The following ADAMTSL1 variants were observed in gnomAD, a reference collection of about 807,000 sequenced individuals.
ADAMTSL1 encodes the protein ADAMTS-like protein 1.
Under a neutral mutation model 201.8 loss-of-function variants are expected in ADAMTSL1, and 126 were observed. The ratio of observed to expected loss-of-function variants is 0.62; its 90% CI spans 0.54 to 0.72. The LOEUF (loss-of-function observed/expected upper bound fraction) is 0.72. Among genes scored for constraint, ADAMTSL1 ranks in the 30% least tolerant of loss-of-function variants. The probability of loss-of-function intolerance (pLI) is 0.00; values close to 1 mark genes in which losing one functional copy is unlikely to be tolerated. For missense variants in ADAMTSL1, 2,679 were observed against 2,277.8 expected (o/e 1.18, Z -3.59); for synonymous variants, 1,121 against 903.4 (o/e 1.24, Z -4.32).
chr9:18,890,473 G>A (rs1829177093), intron 25 of ADAMTSL1: 2 of 455,662 alleles, frequency 4.4e-6, no homozygotes, highest in Admixed American at 2.4e-5. Context: ...GGGGGATGTG[G>A]CTCAGCTCTC....
At chr9:18,306,043 C>G (rs1833895638) in intron 2 of ADAMTSL1, among the ~76,000 whole-genome samples, 1 of 152,256 alleles carries the variant, frequency 6.6e-6, no homozygotes. Flanking sequence ...TCTGTAGCCT[C>G]CACTGGTGAT....
intron 2 of ADAMTSL1, among the ~76,000 whole-genome samples, chr9:18,328,265 C>T (rs1834902171): frequency 6.6e-6 from 1 of 152,130 alleles, no homozygotes; most frequent in East Asian, 1.9e-4. Context: ...ACCCGCAGTT[C>T]TTATTATATG....
chr9:18,498,625 G>A (rs576589793), intron 1 of ADAMTSL1, among the ~76,000 whole-genome samples: 9 of 152,112 alleles, frequency 5.9e-5, no homozygotes, highest in East Asian at 3.9e-4. Context: ...CACCGCGCCC[G>A]GCCAATGTTC....
At chr9:18,649,824 T>G (rs1011267480) in intron 7 of ADAMTSL1, among the ~76,000 whole-genome samples, 5 of 152,200 alleles carry the variant, frequency 3.3e-5, no homozygotes, top group African/African-American at 9.6e-5. Context: ...CAGTTAGGCT[T>G]CTTGGGGGTC....
intron 2 of ADAMTSL1, among the ~76,000 whole-genome samples, chr9:18,404,870 C>T (rs1241576012): frequency 6.6e-6 from 1 of 152,168 alleles, no homozygotes; most frequent in African/African-American, 2.4e-5. Context: ...TTCCACTTCC[C>T]CTTTTTCCAG....
At chr9:18,635,046 T>C (rs1381403302) in intron 5 of ADAMTSL1, among the ~76,000 whole-genome samples, 1 of 151,784 alleles carries the variant, frequency 6.6e-6, no homozygotes, top group East Asian at 1.9e-4. Flanking sequence ...TCTTGGACTA[T>C]GCATTGTACT....
intron 1 of ADAMTSL1, among the ~76,000 whole-genome samples, chr9:18,080,623 C>G (rs1250171286): frequency 6.6e-6 from 1 of 152,144 alleles, no homozygotes; most frequent in Non-Finnish European, 1.5e-5. Flanking sequence ...GAGTAGCTTA[C>G]AAAGCACGTT....
At chr9:18,877,777 C>T (rs923036641) in intron 23 of ADAMTSL1, among the ~76,000 whole-genome samples, 1 of 152,038 alleles carries the variant, frequency 6.6e-6, no homozygotes, top group Non-Finnish European at 1.5e-5. Context: ...CAAGCTTGCC[C>T]TAGGGTCACC....
At chr9:18,119,597 T>C (rs547354870) in intron 1 of ADAMTSL1, among the ~76,000 whole-genome samples, 1 of 152,210 alleles carries the variant, frequency 6.6e-6, no homozygotes, top group Non-Finnish European at 1.5e-5. Context: ...ATATTTTTAA[T>C]ATGAGGTTGC....
intron 2 of ADAMTSL1, among the ~76,000 whole-genome samples, chr9:18,167,013 T>C (rs1165718490): frequency 6.6e-6 from 1 of 151,976 alleles, no homozygotes; most frequent in African/African-American, 2.4e-5. Flanking sequence ...TGAGAAGCTA[T>C]TTAAGTGAGC....
rs1239143337 is a variant in ADAMTSL1 at position 18,574,223 on chromosome 9, G to A, written c.431G>A (p.Cys144Tyr). The change falls in exon 4 of 29, where the codon TGC becomes TAC. Residue 144 changes from cysteine to tyrosine, a missense_variant. Cys to Tyr is a radical substitution (Grantham distance 194, BLOSUM62 -2). Transcript: ENST00000380548. ...CCTAAGGTCTTAGATGGTACGCGTT[G>A]CTATACAGAATCTTTGGATATGTGC... ...LAPKVLDGTR[C>Y]YTESLDMCIS... 6.2e-7 allele frequency: 1 copy of A among 1,614,106 alleles called. No homozygotes were observed. The highest frequency in any genetic ancestry group is 8.5e-7 in the Non-Finnish European group (1 of 1,180,002).
At chr9:18,627,605 T>C (rs1288893059) in intron 5 of ADAMTSL1, among the ~76,000 whole-genome samples, 1 of 152,196 alleles carries the variant, frequency 6.6e-6, no homozygotes, top group Non-Finnish European at 1.5e-5. Context: ...ATGCACATTC[T>C]TTGGCATCTT....
chr9:18,720,977 C>T (rs941305688), intron 14 of ADAMTSL1, among the ~76,000 whole-genome samples: 7 of 152,008 alleles, frequency 4.6e-5, no homozygotes, highest in Non-Finnish European at 7.4e-5. Flanking sequence ...TTCTTTGTTC[C>T]AACTTCCAAG....
intron 3 of ADAMTSL1, chr9:18,573,483 T>C (rs1180249950): frequency 6.4e-6 from 1 of 155,668 alleles, no homozygotes; most frequent in East Asian, 1.9e-4. Flanking sequence ...TTTCATATTT[T>C]TTGTTCCCCA....
intron 13 of ADAMTSL1, among the ~76,000 whole-genome samples, chr9:18,686,631 C>T (rs529087061): frequency 1.3e-5 from 2 of 152,324 alleles, no homozygotes; most frequent in East Asian, 3.9e-4. Flanking sequence ...CCTAAATAAA[C>T]TCTTTTCCCC....
At chr9:17,940,990 C>T (rs1479274995) in intron 1 of ADAMTSL1, among the ~76,000 whole-genome samples, 1 of 151,950 alleles carries the variant, frequency 6.6e-6, no homozygotes, top group Non-Finnish European at 1.5e-5. Flanking sequence ...TTTCCATGAA[C>T]ATCTCTTCTG....
intron 2 of ADAMTSL1, among the ~76,000 whole-genome samples, chr9:18,441,857 C>T (rs1820007352): frequency 6.6e-6 from 1 of 152,158 alleles, no homozygotes; most frequent in African/African-American, 2.4e-5. Context: ...AAAAGGTCCT[C>T]AGTTCAATTT....
At chr9:18,772,833 T>A (rs1194841786) in intron 17 of ADAMTSL1, among the ~76,000 whole-genome samples, 1 of 152,158 alleles carries the variant, frequency 6.6e-6, no homozygotes, top group East Asian at 1.9e-4. Flanking sequence ...CTGGTCTTCC[T>A]CAAGAGGAAG....
At chr9:18,622,134 T>G in intron 4 of ADAMTSL1, 109 bp from the exon 5 acceptor site, 1 of 1,424,736 alleles carries the variant, frequency 7.0e-7, no homozygotes, top group Non-Finnish European at 9.5e-7. Context: ...GGGGTATGTT[T>G]TAGGCCCCTC....
Sources: allele counts gnomAD v4.1 joint callset (sites outside exome capture counted in the v4.1 genomes callset), GRCh38; gene constraint gnomAD v4.1.1; transcripts MANE v1.5; gene names NCBI Gene and HGNC (gene_info 2026-07-23, HGNC 2026-07-21).